SLC9A2: variants seen among roughly 807,000 people sequenced by gnomAD.
SLC9A2 encodes solute carrier family 9 member A2, also known as sodium/hydrogen exchanger 2.
Under a neutral mutation model 71.7 loss-of-function variants are expected in SLC9A2, and 42 were observed. That is an observed-to-expected ratio of 0.59 (90% CI 0.46 to 0.76). The LOEUF (loss-of-function observed/expected upper bound fraction) is 0.76, where lower values mean the gene tolerates loss of function less well. Ranked by LOEUF, SLC9A2 falls within the 30% of genes least tolerant of loss-of-function variation. The pLI is 0.00. For missense variants in SLC9A2, 829 were observed against 1,017.4 expected, an observed-to-expected ratio of 0.81 and a Z score of 2.52; for synonymous variants, 396 against 392.5, an observed-to-expected ratio of 1.01 and a Z score of -0.10.
At chr2:102,680,804 C>G (rs1677439014) in intron 3 of SLC9A2, among the ~76,000 whole-genome samples, 1 of 152,058 alleles carries the variant, frequency 6.6e-6, no homozygotes, top group Non-Finnish European at 1.5e-5. Flanking sequence ...TCTGGGTGGC[C>G]TTGATATAAT....
intron 1 of SLC9A2, 81 bp from the exon 2 acceptor site, chr2:102,657,483 G>A: frequency 4.6e-6 from 4 of 873,658 alleles, no homozygotes; most frequent in South Asian, 1.8e-5. Context: ...GGACCCACTG[G>A]TTCTATCAAA....
At chr2:102,703,158 G>A (rs2104555370) in intron 9 of SLC9A2, among the ~76,000 whole-genome samples, 1 of 152,256 alleles carries the variant, frequency 6.6e-6, no homozygotes, top group East Asian at 1.9e-4. Flanking sequence ...TTCTTAGCTG[G>A]TGTCCCCATA....
rs776918709 is a variant in SLC9A2 at position 102,657,974 on chromosome 2, C to T, written c.700C>T (p.Gln234Ter). ...AVFENIHVNE[Q>*]LYILVFGESL... The stretch of plus-strand genomic sequence containing the variant: ...CTTTGAGAACATTCACGTCAATGAG[C>T]AGCTCTACATCCTGGTCTTTGGAGA... Residue 234 changes from glutamine (Q) to a stop codon, truncating the protein, a stop_gained, in exon 2 of 12, where the codon CAG becomes TAG. Coordinates refer to ENST00000233969, the MANE Select transcript of SLC9A2 (RefSeq NM_003048.6). LOFTEE classifies it high-confidence loss of function. 6.2e-7 allele frequency: 1 copy of T among 1,613,794 alleles called. No homozygotes were observed. The highest frequency in any genetic ancestry group is 8.5e-7 in the Non-Finnish European group (1 of 1,179,950).
chr2:102,702,961 C>A (rs894743856), intron 9 of SLC9A2, among the ~76,000 whole-genome samples: 1 of 152,144 alleles, frequency 6.6e-6, no homozygotes, highest in African/African-American at 2.4e-5. Flanking sequence ...AGAGTGTCCT[C>A]AATTTTCCAA....
intron 1 of SLC9A2, among the ~76,000 whole-genome samples, chr2:102,637,821 T>A (rs1218606456): frequency 6.6e-6 from 1 of 152,216 alleles, no homozygotes; most frequent in East Asian, 1.9e-4. Context: ...CTAAGTTGTG[T>A]TCTCATTGCT....
intron 3 of SLC9A2, among the ~76,000 whole-genome samples, chr2:102,666,391 G>T (rs894615932): frequency 1.3e-5 from 2 of 151,982 alleles, no homozygotes; most frequent in Non-Finnish European, 2.9e-5. Flanking sequence ...TAGAGACGGG[G>T]TTTCACCGTG....
chr2:102,627,637 G>A (rs183295853), intron 1 of SLC9A2, among the ~76,000 whole-genome samples: 203 of 151,816 alleles, frequency 1.3e-3, no homozygotes, highest in African/African-American at 4.9e-3. Context: ...ACCTTGATCA[G>A]GTATGCAGGA....
At chr2:102,639,758 G>T (rs1401548374) in intron 1 of SLC9A2, among the ~76,000 whole-genome samples, 4 of 152,138 alleles carry the variant, frequency 2.6e-5, no homozygotes, top group African/African-American at 9.7e-5. Flanking sequence ...CTGTCTCTAT[G>T]AATTTGTCCA....
At chr2:102,695,226 G>C in intron 7 of SLC9A2, 113 bp downstream of exon 7, 1 of 720,270 alleles carries the variant, frequency 1.4e-6, no homozygotes. Flanking sequence ...TTGTACCATA[G>C]TATGTCCTCT....
chr2:102,684,891 A>T (rs1462178588), intron 5 of SLC9A2, among the ~76,000 whole-genome samples: 2 of 152,192 alleles, frequency 1.3e-5, no homozygotes, highest in Non-Finnish European at 2.9e-5. Context: ...GACTCCTGCT[A>T]AGTGCCAGGC....
At chr2:102,640,356 G>A (rs746115579) in intron 1 of SLC9A2, among the ~76,000 whole-genome samples, 22 of 152,106 alleles carry the variant, frequency 1.4e-4, no homozygotes, top group East Asian at 9.6e-4. Context: ...ACCTGGAGTC[G>A]GGAGAGAATC....
chr2:102,665,947 G>T (rs1244823267), intron 3 of SLC9A2, among the ~76,000 whole-genome samples: 1 of 152,026 alleles, frequency 6.6e-6, no homozygotes, highest in East Asian at 1.9e-4. Context: ...GGTGGATCTT[G>T]CTCAGGCACC....
chr2:102,632,858 A>C (rs1676401947), intron 1 of SLC9A2, among the ~76,000 whole-genome samples: 1 of 152,220 alleles, frequency 6.6e-6, no homozygotes, highest in Non-Finnish European at 1.5e-5. Context: ...AGGTTTTGCT[A>C]TCCATGGAAA....
At chr2:102,633,502 A>C (rs1676413345) in intron 1 of SLC9A2, among the ~76,000 whole-genome samples, 1 of 152,182 alleles carries the variant, frequency 6.6e-6, no homozygotes, top group Non-Finnish European at 1.5e-5. Flanking sequence ...AAATCACGCA[A>C]TAATAATAGC....
chr2:102,662,587 A>C (rs1677068805), intron 2 of SLC9A2, among the ~76,000 whole-genome samples: 1 of 152,284 alleles, frequency 6.6e-6, no homozygotes, highest in South Asian at 2.1e-4. Flanking sequence ...TCCTGGGGGC[A>C]ACAGCAGCTT....
intron 3 of SLC9A2, among the ~76,000 whole-genome samples, chr2:102,676,885 T>A (rs1163205673): frequency 6.6e-6 from 1 of 152,250 alleles, no homozygotes; most frequent in Non-Finnish European, 1.5e-5. Context: ...GGCAAAGCCT[T>A]AATTGAGAAT....
At chr2:102,702,749 G>C (rs1291022008) in intron 9 of SLC9A2, among the ~76,000 whole-genome samples, 1 of 152,140 alleles carries the variant, frequency 6.6e-6, no homozygotes, top group Non-Finnish European at 1.5e-5. Context: ...AGAAATACAC[G>C]TTGACTAATT....
chr2:102,642,446 T>C (rs867557641), intron 1 of SLC9A2, among the ~76,000 whole-genome samples: 19 of 151,900 alleles, frequency 1.3e-4, no homozygotes, highest in Middle Eastern at 3.4e-3. Flanking sequence ...TTTTTTTTTC[T>C]TTAGCCTATC....
intron 1 of SLC9A2, among the ~76,000 whole-genome samples, chr2:102,647,805 C>A (rs888164807): frequency 1.3e-5 from 2 of 152,034 alleles, no homozygotes; most frequent in Non-Finnish European, 2.9e-5. Context: ...GAAGTCAAAC[C>A]CCTAAGCAGA....
Sources: allele counts gnomAD v4.1 joint callset (sites outside exome capture counted in the v4.1 genomes callset), GRCh38; gene constraint gnomAD v4.1.1; transcripts MANE v1.5; gene names NCBI Gene and HGNC (gene_info 2026-07-23, HGNC 2026-07-21).